Variants in DUSP8 observed in about 807,000 individuals in gnomAD.
DUSP8 encodes dual specificity phosphatase 8.
DUSP8 carries 15 observed loss-of-function variants against 38.7 expected under a neutral mutation model. That is an observed-to-expected ratio of 0.39 (90% confidence interval 0.26 to 0.60). DUSP8 has a LOEUF of 0.60. Ranked by LOEUF, DUSP8 falls within the 20% of genes least tolerant of loss-of-function variation. The pLI is 0.56. For missense variants in DUSP8, 768 were observed against 915.0 expected (o/e 0.84, Z 2.07); for synonymous variants, 458 against 433.9 (o/e 1.06, Z -0.69).
Position 1,557,318 on chromosome 11 carries a change from C to CG in DUSP8, c.1077dup (p.Ala360ArgfsTer29). On this transcript the variant is annotated frameshift_variant, in exon 7 of 7. Transcript: ENST00000397374. LOFTEE classifies it high-confidence loss of function. The surrounding 1 kb of genome is among the most constrained non-coding windows in gnomAD (Gnocchi z 9.9). ...CTGGTCGCCGGGGGCGTGGGGGGCG[C>CG]GGGGGGCTCCCCGCCCGCGCTCAGG... The CG allele has an allele frequency of 3.4e-6, 5 of 1,490,632 alleles. No individual in the cohort carries two copies. The highest frequency in any genetic ancestry group is 2.7e-5 in the East Asian group (1 of 37,368). 92.3% of individuals were successfully genotyped at this position (1,490,632 alleles called of 1,614,324 possible).
chr11:1,558,501 C>A lies in DUSP8; in HGVS notation c.538-230G>T, dbSNP rs1246193670. 6.6e-6 allele frequency among the ~76,000 whole-genome samples: 1 copy of A among 152,150 alleles called. No homozygotes were observed. The highest frequency in any genetic ancestry group is 2.4e-5 in the African/African-American group (1 of 41,458). On this transcript the variant is annotated intron_variant, in intron 4 of 6. Coordinates refer to ENST00000397374, the MANE Select transcript of DUSP8 (RefSeq NM_004420.3). This position sits in a 1 kb window ranked among gnomAD's most constrained non-coding sequence, Gnocchi z 6.3. ...GGCACGGCTGGCCTCCGACTGCAGG[C>A]CCCACCCACGGCTGGTGGTGGGCTC...
Position 1,557,463 on chromosome 11 carries a change from G to T in DUSP8, c.933C>A (p.Gly311=), listed in dbSNP as rs1245066370. 1.3e-6 allele frequency: 2 copies of T among 1,562,238 alleles called. No homozygotes were observed. The highest frequency in any genetic ancestry group is 4.6e-5 in the East Asian group (2 of 43,612). The change falls in exon 7 of 7, where the codon GGC becomes GGA. Residue 311 remains glycine (G), a synonymous_variant. Coordinates refer to ENST00000397374, the MANE Select transcript of DUSP8 (RefSeq NM_004420.3). The surrounding 1 kb of genome is among the most constrained non-coding windows in gnomAD (Gnocchi z 9.9). ...GAGGCTCCGGCGTCCCTGAGGGGGT[G>T]CCCGGGTCGCCCTGCAGGGCGGCCA... ...KLLAALQGDP[G]TPSGTPEPPP... is the part of the protein sequence containing the mutation.
chr11:1,572,044 C>T lies in DUSP8; in HGVS notation c.-252G>A, dbSNP rs1355334672. The stretch of plus-strand genomic sequence containing the variant: ...AGCGCGCGGGCCGCGTCGCCGTCGC[C>T]GCCGTCGCCGCCGCCAACGCCGCGG... On this transcript the variant is annotated 5_prime_UTR_variant, in exon 1 of 7. Coordinates refer to ENST00000397374, the MANE Select transcript of DUSP8 (RefSeq NM_004420.3). The surrounding 1 kb of genome is among the most constrained non-coding windows in gnomAD (Gnocchi z 4.7). 1 of 145,670 alleles carries T rather than the reference C, an allele frequency of 6.9e-6. No individual in the cohort carries two copies. The highest frequency in any genetic ancestry group is 1.5e-5 in the Non-Finnish European group (1 of 65,656). The allele number at this position is 145,670 out of a possible 1,614,324, so 9.0% of individuals were successfully genotyped here. A position where few individuals can be genotyped will look rare whatever the true frequency, so the allele number is the denominator to read the frequency against.
At chr11:1,571,590 G>T (rs1330613834) in intron 1 of DUSP8, 1 of 124,834 alleles carries the variant, frequency 8.0e-6, no homozygotes, top group Non-Finnish European at 1.7e-5. Context: ...GGCCCTGGTG[G>T]GTCCTGGATT....
At chr11:1,561,348 G>A (rs1590803398) in intron 3 of DUSP8, among the ~76,000 whole-genome samples, 1 of 152,308 alleles carries the variant, frequency 6.6e-6, no homozygotes, top group East Asian at 1.9e-4. Flanking sequence ...ATGCCACCTG[G>A]GAGACCCTGC....
Position 1,555,016 on chromosome 11 carries a change from G to A in DUSP8, c.*1502C>T. On this transcript the variant is annotated 3_prime_UTR_variant, in exon 7 of 7. Coordinates refer to ENST00000397374, the MANE Select transcript of DUSP8 (RefSeq NM_004420.3). ...AGAGGGCGGCTGGCTGGGGCGGGAT[G>A]GGCGCCTCCCTGGCCCTGCTCCAGG... The A allele has an allele frequency of 2.0e-6, 2 of 986,206 alleles. No individual in the cohort carries two copies. The highest frequency in any genetic ancestry group is 2.4e-6 in the Non-Finnish European group (2 of 830,162). 61.1% of individuals were successfully genotyped at this position (986,206 alleles called of 1,614,324 possible). A position where few individuals can be genotyped will look rare whatever the true frequency, so the allele number is the denominator to read the frequency against.
At position 1,557,609 on chromosome 11, in the gene DUSP8, C is replaced by G. The variant is rs569581529; in HGVS notation, c.822-35G>C. ...AGGAGGCTCAGTCCCAGGCGCCCGC[C>G]GGGGCCAGGCTGCCCACCTGACGCA... On this transcript the variant is annotated intron_variant, in intron 6 of 6. Coordinates refer to ENST00000397374, the MANE Select transcript of DUSP8 (RefSeq NM_004420.3). This position sits in a 1 kb window ranked among gnomAD's most constrained non-coding sequence, Gnocchi z 9.9. 1 of 1,493,988 alleles carries G rather than the reference C, an allele frequency of 6.7e-7. No individual in the cohort carries two copies. Among genetic ancestry groups the G allele is most frequent in the African/African-American group, 1.4e-5 (1 of 71,744 alleles). The allele number at this position is 1,493,988 out of a possible 1,614,324, so 92.5% of individuals were successfully genotyped here. A position where few individuals can be genotyped will look rare whatever the true frequency, so the allele number is the denominator to read the frequency against.
rs1466355550 is a variant in DUSP8 at position 1,557,046 on chromosome 11, G to A, written c.1350C>T (p.Arg450=). ...GCCGGGGCCGCCGGCGGGGCCGTGG[G>A]CGCGCCTCAGGCGCGGCGTCCGGGC... ...PDSPDAAPEA[R]PRPRRRPRPP... Residue 450 remains arginine, a synonymous_variant, in exon 7 of 7, where the codon CGC becomes CGT. Coordinates refer to ENST00000397374, the MANE Select transcript of DUSP8 (RefSeq NM_004420.3). This position sits in a 1 kb window ranked among gnomAD's most constrained non-coding sequence, Gnocchi z 9.9. 1.8e-4 allele frequency: 207 copies of A among 1,131,050 alleles called. 3 individuals are homozygous for A. The South Asian group carries it at 7.7e-3, about 42-fold the overall frequency. The allele number at this position is 1,131,050 out of a possible 1,614,324, so 70.1% of individuals were successfully genotyped here.
At position 1,558,321 on chromosome 11, in the gene DUSP8, G is replaced by A. The variant is rs756807929; in HGVS notation, c.538-50C>T. On this transcript the variant is annotated intron_variant, in intron 4 of 6. Transcript: ENST00000397374. The surrounding 1 kb of genome is among the most constrained non-coding windows in gnomAD (Gnocchi z 6.3). ...GAAAGGGGTGGGAGAAGCTCGGGGC[G>A]GGAGTGAAGGTGGAGGCTTTTCCTG... The A allele has an allele frequency of 3.3e-5, 45 of 1,356,588 alleles. 4 individuals carry two copies. Among genetic ancestry groups the A allele is most frequent in the African/African-American group, 1.6e-4 (11 of 69,338 alleles). The allele number at this position is 1,356,588 out of a possible 1,614,324, so 84.0% of individuals were successfully genotyped here.
rs894872611 is a variant in DUSP8 at position 1,556,374 on chromosome 11, G to C, written c.*144C>G. On this transcript the variant is annotated 3_prime_UTR_variant, in exon 7 of 7. Transcript: ENST00000397374. This position sits in a 1 kb window ranked among gnomAD's most constrained non-coding sequence, Gnocchi z 5.2. ...ACTGTTGCCAAATCATTGCCAGAAT[G>C]AACAGCTTAAATAAATAAAAAATCG... The C allele has an allele frequency of 3.6e-5, 40 of 1,118,922 alleles. No homozygotes were observed. Among genetic ancestry groups the C allele is most frequent in the Admixed American group, 4.3e-5 (1 of 23,464 alleles). The allele number at this position is 1,118,922 out of a possible 1,614,324, so 69.3% of individuals were successfully genotyped here. A position where few individuals can be genotyped will look rare whatever the true frequency, so the allele number is the denominator to read the frequency against.
Position 1,565,765 on chromosome 11 carries a change from C to G in DUSP8, c.62G>C (p.Arg21Pro). The change falls in exon 2 of 7, where the codon CGG (arginine) becomes CCG (proline). Residue 21 changes from arginine to proline, a missense_variant. Transcript: ENST00000397374. ...MDAKKLASLL[R>P]GGPGGPLVID... ...GACCAGCGGCCCCCCAGGCCCGCCC[C>G]GCAGCAGGCTGGCCAGCTTCTTGGC... 11 of 1,611,464 alleles carry G rather than the reference C, an allele frequency of 6.8e-6. No individual in the cohort carries two copies. Among genetic ancestry groups the G allele is most frequent in the Non-Finnish European group, 9.3e-6 (11 of 1,179,460 alleles).
Position 1,557,075 on chromosome 11 carries a change from C to A in DUSP8, c.1321G>T (p.Asp441Tyr). 8.0e-7 allele frequency: 1 copy of A among 1,257,758 alleles called. No individual in the cohort carries two copies. Among genetic ancestry groups the A allele is most frequent in the Non-Finnish European group, 1.0e-6 (1 of 1,001,524 alleles). 77.9% of individuals were successfully genotyped at this position (1,257,758 alleles called of 1,614,324 possible). A position where few individuals can be genotyped will look rare whatever the true frequency, so the allele number is the denominator to read the frequency against. ...GCCTCAGGCGCGGCGTCCGGGCTGT[C>A]CGGGCTGGGCGAGGACAGGCCCAGC... ...AALGLSSPSP[D>Y]SPDAAPEARP... is the part of the protein sequence containing the mutation. The change falls in exon 7 of 7, where the codon GAC becomes TAC. Residue 441 changes from aspartate (D) to tyrosine (Y), a missense_variant. Transcript: ENST00000397374. This position sits in a 1 kb window ranked among gnomAD's most constrained non-coding sequence, Gnocchi z 9.9.
chr11:1,564,810 C>G (rs1328815426), intron 2 of DUSP8, among the ~76,000 whole-genome samples: 1 of 152,204 alleles, frequency 6.6e-6, no homozygotes. Context: ...GGTGGGCGGA[C>G]TCCTGGCCAG....
intron 3 of DUSP8, among the ~76,000 whole-genome samples, chr11:1,559,753 T>C (rs967069107): frequency 6.6e-6 from 1 of 152,134 alleles, no homozygotes; most frequent in African/African-American, 2.4e-5. Flanking sequence ...GAGCAGGCAG[T>C]GGGCACCCGC....
At chr11:1,572,282 G>C (rs1439087471), upstream of DUSP8, among the ~76,000 whole-genome samples, 5 of 149,406 alleles carry the variant, frequency 3.3e-5, no homozygotes, top group African/African-American at 1.2e-4. The surrounding 1 kb of genome is among the most constrained non-coding windows in gnomAD (Gnocchi z 4.7). Flanking sequence ...GACAGGCCCG[G>C]GGCGGAGGGC....
intron 1 of DUSP8, 85 bp from the exon 2 acceptor site, chr11:1,566,019 C>A: frequency 1.7e-6 from 1 of 589,432 alleles, no homozygotes; most frequent in Non-Finnish European, 3.0e-6. Context: ...GAGCTGGGAG[C>A]TGCGCCCACC....
At chr11:1,559,801 A>G (rs1848690602) in intron 3 of DUSP8, among the ~76,000 whole-genome samples, 1 of 152,000 alleles carries the variant, frequency 6.6e-6, no homozygotes, top group Admixed American at 6.5e-5. Context: ...CCTTCCACAC[A>G]CGTCCAAGTC....
chr11:1,561,588 G>A (rs559065628), intron 3 of DUSP8, among the ~76,000 whole-genome samples: 3 of 152,344 alleles, frequency 2.0e-5, no homozygotes, highest in South Asian at 2.1e-4. Flanking sequence ...GAAGAGGAGC[G>A]GCAGGGGGAG....
intron 1 of DUSP8, among the ~76,000 whole-genome samples, chr11:1,569,515 C>T (rs185086103): frequency 2.2e-4 from 33 of 152,274 alleles, no homozygotes; most frequent in African/African-American, 7.0e-4. Flanking sequence ...CTAGAGTACA[C>T]GCACGTCCTT....
Sources: allele counts gnomAD v4.1 joint callset (sites outside exome capture counted in the v4.1 genomes callset), GRCh38; gene constraint gnomAD v4.1.1; non-coding constraint Gnocchi (gnomAD v3.1); transcripts MANE v1.5; gene names NCBI Gene and HGNC (gene_info 2026-07-23, HGNC 2026-07-21).